MPRIP: variants seen among roughly 807,000 people sequenced by gnomAD.
MPRIP encodes the protein myosin phosphatase Rho-interacting protein.
Under a neutral mutation model 234.9 loss-of-function variants are expected in MPRIP, and 59 were observed. That is an observed-to-expected ratio of 0.25 (90% CI 0.20 to 0.31). The LOEUF (loss-of-function observed/expected upper bound fraction) is 0.31, where lower values mean the gene tolerates loss of function less well. Among genes scored for constraint, MPRIP ranks in the 10% least tolerant of loss-of-function variants. The pLI, the probability that MPRIP is intolerant of heterozygous loss-of-function variation, is 1.00. For synonymous variants in MPRIP, 1,144 were observed against 1,263.9 expected, an observed-to-expected ratio of 0.91 and a Z score of 2.01; for missense variants, 2,436 against 3,071.0, an observed-to-expected ratio of 0.79 and a Z score of 4.89.
chr17:17,129,307 C>T (rs2090552471), intron 4 of MPRIP, among the ~76,000 whole-genome samples: 2 of 152,202 alleles, frequency 1.3e-5, no homozygotes, highest in Admixed American at 1.3e-4. Context: ...TGTTCTCACT[C>T]ATCCGGGCTC....
intron 23 of MPRIP, chr17:17,180,551 C>G: frequency 6.6e-7 from 1 of 1,519,854 alleles, no homozygotes; most frequent in Non-Finnish European, 9.1e-7. Context: ...GTGGGAGCGG[C>G]ACCGCGTGTG....
At chr17:17,168,768 C>T (rs2046064278) in intron 16 of MPRIP, 1 of 432,560 alleles carries the variant, frequency 2.3e-6, no homozygotes, top group Admixed American at 2.5e-5. Context: ...CAGTAAATGA[C>T]TAGGATGACT....
chr17:17,147,484 C>G lies in MPRIP; in HGVS notation c.1629+97C>G, dbSNP rs932926244. On this transcript the variant is annotated intron_variant, in intron 11 of 23. Transcript: ENST00000651222. ...TCTGCTTCCCCCTGGGCTAATGTCCCCACTTCTGAGGACAGCGCCCTTCGG... is the reference window on the plus strand; with the variant it reads ...TCTGCTTCCCCCTGGGCTAATGTCCGCACTTCTGAGGACAGCGCCCTTCGG... 5 of 1,178,954 alleles carry G rather than the reference C, an allele frequency of 4.2e-6. No homozygotes were observed. The African/African-American group carries it at 7.5e-5, about 18-fold the overall frequency. 73.0% of individuals were successfully genotyped at this position (1,178,954 alleles called of 1,614,324 possible). A position where few individuals can be genotyped will look rare whatever the true frequency, so the allele number is the denominator to read the frequency against.
Position 17,158,846 on chromosome 17 carries a change from T to C in MPRIP, c.2244T>C (p.His748=), listed in dbSNP as rs771651453. 6.2e-7 allele frequency: 1 copy of C among 1,611,758 alleles called. No individual in the cohort carries two copies. Among genetic ancestry groups the C allele is most frequent in the Non-Finnish European group, 8.5e-7 (1 of 1,179,992 alleles). The change falls in exon 14 of 24, where the codon CAT becomes CAC. Residue 748 remains histidine, a synonymous_variant. Transcript: ENST00000651222. ...TGCCTATGAGCGACCTCAAAACGCATAACGTCCACGTGGAGATTGAGCAGC... is the reference window on the plus strand; with the variant it reads ...TGCCTATGAGCGACCTCAAAACGCACAACGTCCACGTGGAGATTGAGCAGC... The part of the protein sequence containing the change: ...PGLPMSDLKT[H]NVHVEIEQRW...
chr17:17,082,125 A>T (rs1163229229), intron 3 of MPRIP, among the ~76,000 whole-genome samples: 2 of 151,966 alleles, frequency 1.3e-5, no homozygotes, highest in African/African-American at 4.8e-5. Flanking sequence ...TGAGGTGTGG[A>T]TGTCACCAGA....
At chr17:17,176,983 C>T (rs1395880894) in intron 21 of MPRIP, among the ~76,000 whole-genome samples, 1 of 152,234 alleles carries the variant, frequency 6.6e-6, no homozygotes, top group East Asian at 1.9e-4. Flanking sequence ...CCACACCAGG[C>T]TGGTCGGGCA....
intron 2 of MPRIP, 56 bp downstream of exon 2, chr17:17,075,843 G>C (rs938391611): frequency 1.9e-6 from 3 of 1,540,756 alleles, no homozygotes; most frequent in African/African-American, 2.7e-5. Flanking sequence ...CCCATCTAAG[G>C]GTGAACTGGC....
intron 9 of MPRIP, 71 bp downstream of exon 9, chr17:17,143,740 T>C: frequency 9.6e-7 from 1 of 1,040,308 alleles, no homozygotes; most frequent in East Asian, 2.8e-5. Context: ...CGCTGTCTGT[T>C]TCTGTCTATG....
intron 13 of MPRIP, among the ~76,000 whole-genome samples, chr17:17,156,042 G>A (rs998288381): frequency 6.6e-6 from 1 of 152,252 alleles, no homozygotes; most frequent in African/African-American, 2.4e-5. Context: ...GTCCAGGATG[G>A]GGAGTGGTGG....
chr17:17,158,684 G>A lies in MPRIP; in HGVS notation c.2082G>A (p.Ala694=), dbSNP rs370563313. ...ADTHEPLRPE[A]EPGELERERA... is the part of the protein sequence containing the mutation. Reference sequence around the variant, plus strand: ...CCCACGAGCCCCTGCGCCCTGAGGCGGAGCCTGGGGAGCTGGAGCGGGAGC... The same window carrying A: ...CCCACGAGCCCCTGCGCCCTGAGGCAGAGCCTGGGGAGCTGGAGCGGGAGC... Residue 694 remains alanine, a synonymous_variant, in exon 14 of 24, where the codon GCG becomes GCA. Coordinates refer to ENST00000651222, the MANE Select transcript of MPRIP (RefSeq NM_001364716.4). 2.1e-5 allele frequency: 34 copies of A among 1,608,100 alleles called. No homozygotes were observed. The African/African-American group carries it at 4.1e-4, about 20-fold the overall frequency.
Position 17,185,652 on chromosome 17 carries a change from G to T in MPRIP, c.*758G>T. 1 of 420,972 alleles carries T rather than the reference G, an allele frequency of 2.4e-6. No homozygotes were observed. The allele number at this position is 420,972 out of a possible 1,614,324, so 26.1% of individuals were successfully genotyped here. On this transcript the variant is annotated 3_prime_UTR_variant, in exon 24 of 24. Coordinates refer to ENST00000651222, the MANE Select transcript of MPRIP (RefSeq NM_001364716.4). ...CCCTGGTCTTTTCATAACTGCTCGA[G>T]ATTGTTGACCTGCAGCCCAGGTTTC...
chr17:17,084,366 G>A (rs925480261), intron 3 of MPRIP, among the ~76,000 whole-genome samples: 1 of 152,246 alleles, frequency 6.6e-6, no homozygotes, highest in Non-Finnish European at 1.5e-5. Flanking sequence ...GCACTTGGCT[G>A]CCTTTTCGCT....
intron 1 of MPRIP, among the ~76,000 whole-genome samples, chr17:17,063,027 CA>C (rs2088913533): frequency 6.6e-6 from 1 of 152,264 alleles, no homozygotes; most frequent in Non-Finnish European, 1.5e-5. Flanking sequence ...TGGATTCAGC[CA>C]TGTGCGGGGG....
Position 17,154,401 on chromosome 17 carries a change from C to T in MPRIP, c.1815C>T (p.Ala605=), listed in dbSNP as rs747499271. ...TIMKHVHPTT[A]PDVTSSLPEE... ...TGAAGCACGTGCACCCGACCACTGC[C>T]CCGGATGTGACCAGGTAGGATGGTG... Residue 605 remains alanine (A), a synonymous_variant, in exon 13 of 24, where the codon GCC becomes GCT. Coordinates refer to ENST00000651222, the MANE Select transcript of MPRIP (RefSeq NM_001364716.4). 2 of 1,613,998 alleles carry T rather than the reference C, an allele frequency of 1.2e-6. No homozygotes were observed. The highest frequency in any genetic ancestry group is 2.2e-5 in the East Asian group (1 of 44,892).
chr17:17,168,984 A>G (rs1023042674), intron 16 of MPRIP: 1 of 456,866 alleles, frequency 2.2e-6, no homozygotes, highest in African/African-American at 2.0e-5. Context: ...TGGAAACAGC[A>G]GCTCACATGT....
intron 15 of MPRIP, among the ~76,000 whole-genome samples, chr17:17,163,129 G>C (rs1476444528): frequency 6.6e-6 from 1 of 152,210 alleles, no homozygotes; most frequent in Non-Finnish European, 1.5e-5. Flanking sequence ...GTGGGGTTAA[G>C]GGTCAGGAGC....
chr17:17,118,289 C>T (rs1311145388), intron 3 of MPRIP, among the ~76,000 whole-genome samples: 2 of 152,240 alleles, frequency 1.3e-5, no homozygotes, highest in Non-Finnish European at 2.9e-5. Flanking sequence ...GGGACCACCC[C>T]AAAAGCCATC....
chr17:17,144,022 C>T lies in MPRIP; in HGVS notation c.1503+353C>T, dbSNP rs147935141. 1.9e-3 allele frequency among the ~76,000 whole-genome samples: 282 copies of T among 152,332 alleles called. 3 individuals are homozygous for T. Among genetic ancestry groups the T allele is most frequent in the African/African-American group, 6.2e-3 (256 of 41,576 alleles). The stretch of plus-strand genomic sequence containing the variant: ...ATTGCTTTTTGTGGCACTTCGGAGG[C>T]AGAGGCCACGTCTTGCTGGAGCTTG... On this transcript the variant is annotated intron_variant, in intron 9 of 23. Coordinates refer to ENST00000651222, the MANE Select transcript of MPRIP (RefSeq NM_001364716.4).
At chr17:17,095,024 G>A (rs1033053434) in intron 3 of MPRIP, among the ~76,000 whole-genome samples, 3 of 151,996 alleles carry the variant, frequency 2.0e-5, no homozygotes, top group African/African-American at 4.8e-5. Flanking sequence ...CTGTGGCTTC[G>A]TTTTGCCTGA....
Sources: allele counts gnomAD v4.1 joint callset (sites outside exome capture counted in the v4.1 genomes callset), GRCh38; gene constraint gnomAD v4.1.1; transcripts MANE v1.5; gene names NCBI Gene and HGNC (gene_info 2026-07-23, HGNC 2026-07-21).